Variants in NCAM2 observed in about 807,000 individuals in gnomAD.
NCAM2 encodes the protein N-CAM-2.
A neutral mutation model predicts 98.1 loss-of-function variants in NCAM2; 30 were observed. The ratio of observed to expected loss-of-function variants is 0.31; its 90% CI spans 0.23 to 0.41. The LOEUF (loss-of-function observed/expected upper bound fraction) is 0.41. Ranked by LOEUF, NCAM2 falls within the 10% of genes least tolerant of loss-of-function variation. The pLI is 1.00. For missense variants in NCAM2, 867 were observed against 1,005.8 expected (o/e 0.86, Z 1.87); for synonymous variants, 368 against 342.4 (o/e 1.07, Z -0.83).
rs578013388 is a variant in NCAM2, at chr21:21,381,854, A to G, written c.1195+7841A>G. 2.6e-5 allele frequency among the ~76,000 whole-genome samples: 4 copies of G among 152,128 alleles called. No individual in the cohort carries two copies. The South Asian group carries it at 8.3e-4, about 32-fold the overall frequency. On this transcript the variant is annotated intron_variant, in intron 9 of 17. Coordinates refer to ENST00000400546, the MANE Select transcript of NCAM2 (RefSeq NM_004540.5). The stretch of plus-strand genomic sequence containing the variant: ...GATCCCAATTTTTTTTCATCTGAAG[A>G]AGTTTCTTCTCCATTTCTTGTAGAG...
chr21:21,525,423 A>G (rs951665923), intron 16 of NCAM2, among the ~76,000 whole-genome samples: 2 of 152,132 alleles, frequency 1.3e-5, no homozygotes, highest in Non-Finnish European at 2.9e-5. Context: ...CCAAAGTGAA[A>G]TAGAGAAATT....
At chr21:21,413,206 T>C (rs1486588972) in intron 10 of NCAM2, among the ~76,000 whole-genome samples, 1 of 152,164 alleles carries the variant, frequency 6.6e-6, no homozygotes, top group African/African-American at 2.4e-5. Flanking sequence ...GGGCAAACAT[T>C]GAAAGAAGGA....
At chr21:21,289,874 G>A (rs1489309536) in intron 4 of NCAM2, among the ~76,000 whole-genome samples, 1 of 151,854 alleles carries the variant, frequency 6.6e-6, no homozygotes, top group Non-Finnish European at 1.5e-5. Flanking sequence ...AAATTAGATG[G>A]GAGTCAAGGC....
At chr21:21,311,805 A>C (rs1405936679) in intron 5 of NCAM2, among the ~76,000 whole-genome samples, 1 of 151,976 alleles carries the variant, frequency 6.6e-6, no homozygotes, top group Non-Finnish European at 1.5e-5. Flanking sequence ...TGGTTTCCAA[A>C]TGTTTATTGC....
intron 14 of NCAM2, among the ~76,000 whole-genome samples, chr21:21,470,558 C>G (rs1239516357): frequency 6.6e-6 from 1 of 152,006 alleles, no homozygotes; most frequent in Non-Finnish European, 1.5e-5. Flanking sequence ...TAAAGTTACT[C>G]CTTCCGTTTT....
intron 8 of NCAM2, among the ~76,000 whole-genome samples, chr21:21,373,239 T>A (rs1303653915): frequency 6.6e-6 from 1 of 151,886 alleles, no homozygotes; most frequent in African/African-American, 2.4e-5. Context: ...ACTATCACAC[T>A]ATGGGATGAA....
intron 1 of NCAM2, among the ~76,000 whole-genome samples, chr21:21,127,402 C>T (rs1569052365): frequency 1.3e-5 from 2 of 151,954 alleles, no homozygotes; most frequent in Non-Finnish European, 2.9e-5. Context: ...GTGTAACGAT[C>T]AAACCAGAGT....
intron 15 of NCAM2, among the ~76,000 whole-genome samples, chr21:21,507,202 G>C (rs561035207): frequency 3.9e-5 from 6 of 152,160 alleles, no homozygotes; most frequent in African/African-American, 1.2e-4. Context: ...CGACCTGCTA[G>C]TGCTTGCTTT....
At chr21:21,432,367 C>T in intron 12 of NCAM2, 86 bp downstream of exon 12, 1 of 1,223,232 alleles carries the variant, frequency 8.2e-7, no homozygotes, top group Non-Finnish European at 1.1e-6. Flanking sequence ...TTTCCTCCAA[C>T]ATTTTCTTTT....
intron 9 of NCAM2, among the ~76,000 whole-genome samples, chr21:21,394,963 T>C (rs1221180208): frequency 6.6e-6 from 1 of 152,196 alleles, no homozygotes; most frequent in African/African-American, 2.4e-5. Flanking sequence ...TGTTATTGAC[T>C]GAATAGCTAC....
At chr21:21,501,221 TAACAC>T (rs1467713459) in intron 15 of NCAM2, among the ~76,000 whole-genome samples, 1 of 152,042 alleles carries the variant, frequency 6.6e-6, no homozygotes, top group Non-Finnish European at 1.5e-5. Context: ...TTGCCTAACA[TAACAC>T]AACAAGAAGC....
At chr21:21,192,604 T>A (rs1330079151) in intron 1 of NCAM2, among the ~76,000 whole-genome samples, 2 of 152,150 alleles carry the variant, frequency 1.3e-5, no homozygotes, top group Non-Finnish European at 2.9e-5. Context: ...AGAATTGGGA[T>A]GTTTGTTGTA....
chr21:21,374,594 T>C (rs913720934), intron 9 of NCAM2, among the ~76,000 whole-genome samples: 1 of 151,856 alleles, frequency 6.6e-6, no homozygotes, highest in Non-Finnish European at 1.5e-5. Context: ...GGAGGGCTAA[T>C]GTAAGTCAAG....
chr21:21,434,374 G>T (rs1027894614), intron 12 of NCAM2, among the ~76,000 whole-genome samples: 2 of 152,124 alleles, frequency 1.3e-5, no homozygotes, highest in African/African-American at 4.8e-5. Context: ...TTGCGAATGA[G>T]AATAAAATAC....
chr21:21,286,241 TG>T lies in NCAM2; in HGVS notation c.338-27del. The T allele has an allele frequency of 3.9e-6, 6 of 1,552,712 alleles. No individual in the cohort carries two copies. The Admixed American group carries it at 1.2e-4, about 30-fold the overall frequency. ...AATGATACTTTTGTGATTTGTGATTTGTGATTTGTTTTACTTTGTTGATACA... is the reference window on the plus strand; with the variant it reads ...AATGATACTTTTGTGATTTGTGATTTTGATTTGTTTTACTTTGTTGATACA... On this transcript the variant is annotated intron_variant, in intron 3 of 17. Coordinates refer to ENST00000400546, the MANE Select transcript of NCAM2 (RefSeq NM_004540.5).
chr21:21,391,826 T>C (rs1429329891), intron 9 of NCAM2, among the ~76,000 whole-genome samples: 1 of 152,022 alleles, frequency 6.6e-6, no homozygotes, highest in Non-Finnish European at 1.5e-5. Context: ...GTTATTTTTA[T>C]GATAATCCTC....
At chr21:21,290,644 A>G (rs1039641827) in intron 4 of NCAM2, among the ~76,000 whole-genome samples, 3 of 151,940 alleles carry the variant, frequency 2.0e-5, no homozygotes, top group Non-Finnish European at 4.4e-5. Context: ...CCGTAGCATT[A>G]GAATCACTAT....
chr21:21,317,574 T>G (rs988237935), intron 5 of NCAM2, among the ~76,000 whole-genome samples: 1 of 152,130 alleles, frequency 6.6e-6, no homozygotes, highest in South Asian at 2.1e-4. Context: ...AGAGTCTTGC[T>G]CTGTTGACCA....
chr21:21,013,566 G>A (rs1316708363), intron 1 of NCAM2, among the ~76,000 whole-genome samples: 1 of 152,136 alleles, frequency 6.6e-6, no homozygotes, highest in Non-Finnish European at 1.5e-5. Context: ...CAGATCATTT[G>A]AGGTCAGGAG....
Sources: allele counts gnomAD v4.1 joint callset (sites outside exome capture counted in the v4.1 genomes callset), GRCh38; gene constraint gnomAD v4.1.1; transcripts MANE v1.5; gene names NCBI Gene and HGNC (gene_info 2026-07-23, HGNC 2026-07-21).